The following ANO2 variants were observed in gnomAD, a reference collection of about 807,000 sequenced individuals.
The protein encoded by ANO2 is anoctamin 2.
A neutral mutation model predicts 124.2 loss-of-function variants in ANO2; 101 were observed. The ratio of observed to expected loss-of-function variants is 0.81; its 90% CI spans 0.69 to 0.96. ANO2 has a LOEUF of 0.96. Among genes scored for constraint, ANO2 ranks in the 40% least tolerant of loss-of-function variants. The pLI is 0.00. For synonymous variants in ANO2, 486 were observed against 482.5 expected (o/e 1.01, Z -0.09); for missense variants, 1,293 against 1,274.5 (o/e 1.01, Z -0.22).
intron 14 of ANO2, among the ~76,000 whole-genome samples, chr12:5,714,115 T>C (rs1423143516): frequency 6.6e-6 from 1 of 152,218 alleles, no homozygotes; most frequent in Non-Finnish European, 1.5e-5. Flanking sequence ...GGCCCATTCT[T>C]TTCACTTTCC....
Position 5,739,308 on chromosome 12 carries a change from A to G in ANO2, c.1434+9T>C, listed in dbSNP as rs1950998950. On this transcript the variant is annotated intron_variant, in intron 13 of 24. Transcript: ENST00000682330. ...CAGAAGTATGTGAGAAATACGTGAGAGAACTCACTTCTTCCTCTTCTATGC... is the reference window on the plus strand; with the variant it reads ...CAGAAGTATGTGAGAAATACGTGAGGGAACTCACTTCTTCCTCTTCTATGC... The G allele has an allele frequency of 6.3e-7, 1 of 1,591,274 alleles. No individual in the cohort carries two copies. Among genetic ancestry groups the G allele is most frequent in the Admixed American group, 1.8e-5 (1 of 57,032 alleles).
chr12:5,721,248 T>C (rs1368230935), intron 14 of ANO2, among the ~76,000 whole-genome samples: 1 of 151,972 alleles, frequency 6.6e-6, no homozygotes, highest in Non-Finnish European at 1.5e-5. Context: ...AGAGAGAATA[T>C]ACACACTGGG....
chr12:5,783,755 G>A (rs1476585350), intron 10 of ANO2, among the ~76,000 whole-genome samples: 1 of 152,090 alleles, frequency 6.6e-6, no homozygotes, highest in Non-Finnish European at 1.5e-5. Context: ...TTCCTTTCCT[G>A]AGCCTTGCCT....
At chr12:5,584,240 G>A (rs990485809) in intron 20 of ANO2, among the ~76,000 whole-genome samples, 1 of 151,288 alleles carries the variant, frequency 6.6e-6, no homozygotes, top group African/African-American at 2.4e-5. Context: ...GAGGGCTGGC[G>A]GCTCTGCCTA....
intron 3 of ANO2, among the ~76,000 whole-genome samples, chr12:5,919,321 G>A (rs1397865812): frequency 3.3e-5 from 5 of 151,868 alleles, no homozygotes; most frequent in African/African-American, 1.2e-4. Flanking sequence ...ACAAAGACCT[G>A]AGGTCAAGGT....
intron 19 of ANO2, among the ~76,000 whole-genome samples, chr12:5,601,435 A>G (rs1943933580): frequency 6.6e-6 from 1 of 152,200 alleles, no homozygotes; most frequent in Non-Finnish European, 1.5e-5. Context: ...TTCTGTGATA[A>G]TAAAAAATTG....
chr12:5,578,369 T>A lies in ANO2; in HGVS notation c.2383A>T (p.Ile795Phe). Residue 795 changes from isoleucine (I) to phenylalanine (F), a missense_variant, in exon 21 of 25, where the codon ATC (isoleucine) becomes TTC (phenylalanine). Ile to Phe is a conservative substitution (Grantham distance 21, BLOSUM62 0). Transcript: ENST00000682330. ...GGCCTCTAAGTGGGGCACGTACCGA[T>A]ATCTTTGGTTCTTACAGCATCCGGC... ...RRPDAVRTKD[I>F]GIWFDILSGI... The A allele has an allele frequency of 1.2e-6, 2 of 1,613,602 alleles. No homozygotes were observed. Among genetic ancestry groups the A allele is most frequent in the Middle Eastern group, 1.7e-4 (1 of 6,038 alleles).
intron 11 of ANO2, among the ~76,000 whole-genome samples, chr12:5,749,803 C>T (rs1348387187): frequency 6.6e-6 from 1 of 152,162 alleles, no homozygotes; most frequent in African/African-American, 2.4e-5. Context: ...TCCTTTAATC[C>T]TTACAACACT....
intron 12 of ANO2, 47 bp from the exon 13 acceptor site, chr12:5,739,446 T>C (rs1951006818): frequency 6.6e-7 from 1 of 1,506,430 alleles, no homozygotes; most frequent in Non-Finnish European, 9.1e-7. Flanking sequence ...TTTTGAAGAG[T>C]GGATTCTGTA....
intron 7 of ANO2, among the ~76,000 whole-genome samples, chr12:5,809,184 C>T (rs1249625046): frequency 6.6e-6 from 1 of 152,128 alleles, no homozygotes; most frequent in Non-Finnish European, 1.5e-5. Flanking sequence ...GCAGATTTGT[C>T]TGACTCACAA....
At chr12:5,828,447 C>G (rs1403569213) in intron 6 of ANO2, among the ~76,000 whole-genome samples, 1 of 152,240 alleles carries the variant, frequency 6.6e-6, no homozygotes, top group African/African-American at 2.4e-5. Flanking sequence ...GGAAAGTGCT[C>G]TGCAACAGCA....
intron 7 of ANO2, among the ~76,000 whole-genome samples, chr12:5,819,486 G>GGTTC: frequency 6.6e-6 from 1 of 152,096 alleles, no homozygotes; most frequent in Admixed American, 6.6e-5. Context: ...AGTTAAAAGG[G>GGTTC]GTTCTAATAG....
intron 22 of ANO2, among the ~76,000 whole-genome samples, chr12:5,577,121 A>C (rs1452738207): frequency 6.6e-6 from 1 of 152,222 alleles, no homozygotes; most frequent in Non-Finnish European, 1.5e-5. Flanking sequence ...CTGTTTTCCA[A>C]CTTGCACCTT....
chr12:5,625,021 A>G (rs2110169), intron 16 of ANO2, among the ~76,000 whole-genome samples: 43,354 of 152,056 alleles, frequency 0.29, 7,368 homozygotes, highest in East Asian at 0.48. Flanking sequence ...CAAGCGAAGC[A>G]TCCTGAGCCT....
chr12:5,809,687 A>G (rs1953325225), intron 7 of ANO2, among the ~76,000 whole-genome samples: 1 of 152,106 alleles, frequency 6.6e-6, no homozygotes, highest in African/African-American at 2.4e-5. Context: ...CCCCCATCTT[A>G]AATAAAGCTT....
At chr12:5,941,080 C>T (rs531853748) in intron 1 of ANO2, among the ~76,000 whole-genome samples, 23 of 152,196 alleles carry the variant, frequency 1.5e-4, no homozygotes, top group East Asian at 1.4e-3. Context: ...AGTGGATTCG[C>T]GGTTGCCAAG....
intron 3 of ANO2, among the ~76,000 whole-genome samples, chr12:5,910,188 GT>G (rs953711473): frequency 6.6e-6 from 1 of 152,096 alleles, no homozygotes; most frequent in African/African-American, 2.4e-5. Flanking sequence ...TGTTCTTGTT[GT>G]TTTGTTTTTT....
rs192761628 is a variant in ANO2 at position 5,718,847 on chromosome 12, C to A, written c.1545+13673G>T. 5.9e-5 allele frequency among the ~76,000 whole-genome samples: 9 copies of A among 152,286 alleles called. No individual in the cohort carries two copies. In the East Asian group the frequency reaches 1.7e-3, roughly 29 times the overall value. On this transcript the variant is annotated intron_variant, in intron 14 of 24. Coordinates refer to ENST00000682330, the MANE Select transcript of ANO2 (RefSeq NM_001364791.2). ...ATACTTCCATTACTTGCTGGACTGC[C>A]CTTCCCTTGGCGGCCCCAATTTCCA...
intron 19 of ANO2, chr12:5,608,625 T>C (rs1387056904): frequency 6.6e-6 from 1 of 152,206 alleles, no homozygotes; most frequent in African/African-American, 2.4e-5. Context: ...GAGAAGCAGC[T>C]TGCCCATGGC....
Sources: gnomAD v4.1 joint callset for allele counts (sites outside exome capture counted in the v4.1 genomes callset) on GRCh38, gnomAD v4.1.1 for gene constraint, MANE v1.5 for transcripts, NCBI Gene and HGNC (gene_info 2026-07-23, HGNC 2026-07-21) for gene names.